ELMOD1: variants seen among roughly 807,000 people sequenced by gnomAD.
ELMOD1 encodes ELMO domain containing 1.
A neutral mutation model predicts 46.7 loss-of-function variants in ELMOD1; 21 were observed. The observed-to-expected ratio is 0.45, with a 90% CI of 0.32 to 0.65. The LOEUF is 0.65. Ranked by LOEUF, ELMOD1 falls within the 30% of genes least tolerant of loss-of-function variation. The pLI, the probability that ELMOD1 is intolerant of heterozygous loss-of-function variation, is 0.04. For synonymous variants in ELMOD1, 122 were observed against 138.2 expected, an observed-to-expected ratio of 0.88 and a Z score of 0.82; for missense variants, 348 against 407.8, an observed-to-expected ratio of 0.85 and a Z score of 1.26.
chr11:107,650,976 T>C (rs1288555258), intron 9 of ELMOD1, 68 bp downstream of exon 9: 1 of 878,824 alleles, frequency 1.1e-6, no homozygotes, highest in Non-Finnish European at 1.6e-6. Context: ...GGTAAGAATT[T>C]TTTTAAGGAA....
chr11:107,623,751 T>C (rs1240087476), intron 2 of ELMOD1: 1 of 152,314 alleles, frequency 6.6e-6, no homozygotes, highest in East Asian at 1.9e-4. Flanking sequence ...GACTACAAGC[T>C]CCTTGTGGAC....
chr11:107,608,862 A>C (rs1865730898), intron 1 of ELMOD1, among the ~76,000 whole-genome samples: 1 of 152,158 alleles, frequency 6.6e-6, no homozygotes, highest in African/African-American at 2.4e-5. Context: ...GATTATCCCT[A>C]GCTTTGCAGT....
chr11:107,618,802 A>G (rs1039354125), intron 2 of ELMOD1, among the ~76,000 whole-genome samples: 12 of 152,314 alleles, frequency 7.9e-5, no homozygotes, highest in Admixed American at 7.8e-4. Flanking sequence ...TTTGAAAAGC[A>G]TTTGACTGGA....
chr11:107,664,115 G>A (rs1288068845), intron 11 of ELMOD1, among the ~76,000 whole-genome samples: 1 of 151,958 alleles, frequency 6.6e-6, no homozygotes, highest in African/African-American at 2.4e-5. Flanking sequence ...CCAAACAACT[G>A]GGACTACAGG....
intron 9 of ELMOD1, among the ~76,000 whole-genome samples, chr11:107,652,475 C>A (rs1200981797): frequency 2.0e-5 from 3 of 152,158 alleles, no homozygotes; most frequent in Non-Finnish European, 4.4e-5. Flanking sequence ...CTATAAGTAT[C>A]AAATAAGTAG....
intron 1 of ELMOD1, chr11:107,593,127 G>A (rs549416929): frequency 3.9e-5 from 6 of 152,726 alleles, no homozygotes; most frequent in Non-Finnish European, 7.3e-5. Flanking sequence ...TACATCACAG[G>A]CTCCACCTCC....
chr11:107,610,998 C>CAAA (rs58417281), intron 1 of ELMOD1, among the ~76,000 whole-genome samples: 7,969 of 95,440 alleles, frequency 0.083, 518 homozygotes, highest in East Asian at 0.3. Flanking sequence ...TGTAAGAATC[C>CAAA]AAAAAAAAAA....
At chr11:107,631,554 G>C in intron 4 of ELMOD1, 26 bp from the exon 5 acceptor site, 1 of 1,465,020 alleles carries the variant, frequency 6.8e-7, no homozygotes, top group Non-Finnish European at 9.3e-7. Context: ...TAATGAAAAG[G>C]AAAGTGATTA....
chr11:107,653,778 A>G (rs1261705002), intron 9 of ELMOD1: 1 of 151,986 alleles, frequency 6.6e-6, no homozygotes, highest in East Asian at 1.9e-4. Context: ...TTATATTATT[A>G]TAGTATGGTG....
chr11:107,657,798 G>A (rs922757), intron 11 of ELMOD1, among the ~76,000 whole-genome samples: 9 of 152,194 alleles, frequency 5.9e-5, no homozygotes, highest in Admixed American at 3.3e-4. Flanking sequence ...GAACAGTGAA[G>A]GGAAAGCCCA....
intron 11 of ELMOD1, among the ~76,000 whole-genome samples, chr11:107,660,451 T>G (rs1404981149): frequency 6.6e-6 from 1 of 152,158 alleles, no homozygotes; most frequent in Non-Finnish European, 1.5e-5. Context: ...GGAGTGAGGT[T>G]AGGTGTAATG....
chr11:107,651,129 A>G (rs189588031), intron 9 of ELMOD1, among the ~76,000 whole-genome samples: 86 of 152,344 alleles, frequency 5.6e-4, no homozygotes, highest in South Asian at 2.7e-3. Flanking sequence ...TTCTACAGCC[A>G]TGACGGAACC....
chr11:107,623,084 C>A (rs1343254109), intron 2 of ELMOD1, among the ~76,000 whole-genome samples: 1 of 152,148 alleles, frequency 6.6e-6, no homozygotes, highest in Non-Finnish European at 1.5e-5. Flanking sequence ...ATTAACTCAT[C>A]ATTTAACATT....
chr11:107,658,523 CA>C (rs1384736297), intron 11 of ELMOD1, among the ~76,000 whole-genome samples: 2 of 151,986 alleles, frequency 1.3e-5, no homozygotes, highest in African/African-American at 2.4e-5. Context: ...GGCATTTAAA[CA>C]AATACTTAAA....
chr11:107,594,124 A>T (rs2135641346), intron 1 of ELMOD1, among the ~76,000 whole-genome samples: 1 of 152,022 alleles, frequency 6.6e-6, no homozygotes, highest in South Asian at 2.1e-4. Flanking sequence ...GTGTGTGTTT[A>T]TGGTGGTGGT....
rs1443639606 is a variant in ELMOD1 at position 107,609,085 on chromosome 11, A to G, written c.-85-9020A>G. On this transcript the variant is annotated intron_variant, in intron 1 of 11. Coordinates refer to ENST00000265840, the MANE Select transcript of ELMOD1 (RefSeq NM_018712.4). ...TTCAATTTCCTCAGCTGCAAAATGG[A>G]GATAATTGTTATTGTTCACTTCATA... Among the ~76,000 whole-genome samples, 9 of 152,302 alleles carry G rather than the reference A, an allele frequency of 5.9e-5. No individual in the cohort carries two copies. The East Asian group carries it at 1.7e-3, about 29-fold the overall frequency.
intron 1 of ELMOD1, among the ~76,000 whole-genome samples, chr11:107,610,678 A>G (rs1276017063): frequency 6.6e-6 from 1 of 151,844 alleles, no homozygotes; most frequent in African/African-American, 2.4e-5. Context: ...AAAAAAAAAA[A>G]AAGTAAATAT....
At chr11:107,650,288 C>T (rs1004932244) in intron 7 of ELMOD1, 47 bp from the exon 8 acceptor site, 9 of 1,322,574 alleles carry the variant, frequency 6.8e-6, no homozygotes, top group South Asian at 2.6e-5. Context: ...ATATATTCAG[C>T]GAGTAAGCAA....
In ELMOD1 at chr11:107,647,594, A is replaced by G; in HGVS notation, c.547A>G (p.Asn183Asp). ...FRGMGLLGLY[N>D]LQYFAERDAT... ...AGGAATGGGACTTCTGGGACTGTAC[A>G]ATTTGCAGTAAGTAAAATGAAGGAC... The change falls in exon 7 of 12, where the codon AAT (asparagine) becomes GAT (aspartate). Residue 183 changes from asparagine (N) to aspartate (D), a missense_variant. By Grantham distance (23) the Asn-to-Asp change is conservative (BLOSUM62 1). Coordinates refer to ENST00000265840, the MANE Select transcript of ELMOD1 (RefSeq NM_018712.4). The G allele has an allele frequency of 6.2e-7, 1 of 1,611,244 alleles. No homozygotes were observed. Among genetic ancestry groups the G allele is most frequent in the Non-Finnish European group, 8.5e-7 (1 of 1,178,896 alleles).
Sources: allele counts gnomAD v4.1 joint callset (sites outside exome capture counted in the v4.1 genomes callset), GRCh38; gene constraint gnomAD v4.1.1; transcripts MANE v1.5; gene names NCBI Gene and HGNC (gene_info 2026-07-23, HGNC 2026-07-21).